The following CNOT1 variants were observed in gnomAD, a reference collection of about 807,000 sequenced individuals.
The protein encoded by CNOT1 is CCR4-associated factor 1.
CNOT1 carries 15 observed loss-of-function variants against 273.8 expected under a neutral mutation model. The observed-to-expected ratio is 0.05, with a 90% CI of 0.04 to 0.08. The LOEUF (loss-of-function observed/expected upper bound fraction) is 0.08, where lower values mean the gene tolerates loss of function less well. CNOT1 is among the 10% of genes least tolerant of loss of function. The pLI, the probability that CNOT1 is intolerant of heterozygous loss-of-function variation, is 1.00. For missense variants in CNOT1, 1,644 were observed against 2,912.2 expected (o/e 0.56, Z 10.02); for synonymous variants, 1,022 against 1,005.5 (o/e 1.02, Z -0.31).
chr16:58,550,043 T>A, intron 24 of CNOT1, 145 bp from the exon 25 acceptor site: 1 of 1,276,328 alleles, frequency 7.8e-7, no homozygotes, highest in Non-Finnish European at 1.1e-6. Context: ...ACCAGATAGA[T>A]GCTATGAAGA....
intron 16 of CNOT1, among the ~76,000 whole-genome samples, chr16:58,570,455 T>C (rs1462954700): frequency 6.6e-6 from 1 of 152,122 alleles, no homozygotes; most frequent in Non-Finnish European, 1.5e-5. Context: ...CTGGGCAACA[T>C]ACTGAGAACC....
At chr16:58,584,354 G>A (rs542294021) in intron 8 of CNOT1, among the ~76,000 whole-genome samples, 19 of 150,994 alleles carry the variant, frequency 1.3e-4, no homozygotes, top group Admixed American at 4.0e-4. Flanking sequence ...TTTTTTTGAC[G>A]AAGTCTCGCT....
intron 14 of CNOT1, among the ~76,000 whole-genome samples, chr16:58,575,974 A>C (rs1472940308): frequency 6.6e-6 from 1 of 152,174 alleles, no homozygotes; most frequent in African/African-American, 2.4e-5. Flanking sequence ...TCAAAAATAA[A>C]AACACTTTTA....
chr16:58,569,879 C>T lies in CNOT1; in HGVS notation c.1979+4730G>A, dbSNP rs959034557. ...TTTATTAAAAACATTAATCTAGACA[C>T]CCAAGAAATTCAATAAATTCTAAGT... On this transcript the variant is annotated intron_variant, in intron 16 of 48. Coordinates refer to ENST00000317147, the MANE Select transcript of CNOT1 (RefSeq NM_016284.5). Among the ~76,000 whole-genome samples the T allele has an allele frequency of 1.1e-4, 17 of 151,988 alleles. 1 individual carries two copies. The South Asian group carries it at 1.5e-3, about 13-fold the overall frequency.
At chr16:58,530,552 G>A in intron 42 of CNOT1, 2 of 370,222 alleles carry the variant, frequency 5.4e-6, no homozygotes, top group East Asian at 4.1e-5. Context: ...GGAGGCCAAG[G>A]CCAGTGGATC....
chr16:58,567,551 C>CA (rs35372389), intron 16 of CNOT1, among the ~76,000 whole-genome samples: 49,724 of 111,358 alleles, frequency 0.45, 10,092 homozygotes, highest in Middle Eastern at 0.49. Context: ...GACATCATCT[C>CA]AAAAAAAAAA....
In CNOT1 at chr16:58,546,455, G is replaced by C. The variant is rs754311636; in HGVS notation, c.3872C>G (p.Ala1291Gly). ...FEIEVLCKNL[A>G]LDINELKPGN... ...AGGTTTTAGCTCATTGATGTCTAAT[G>C]CAAGGTTCTTGCAGAGAACCTCGAT... The change falls in exon 29 of 49, where the codon GCA (alanine) becomes GGA (glycine). Residue 1291 changes from alanine (A) to glycine (G), a missense_variant. Coordinates refer to ENST00000317147, the MANE Select transcript of CNOT1 (RefSeq NM_016284.5). 1.9e-6 allele frequency: 3 copies of C among 1,613,954 alleles called. No individual in the cohort carries two copies. Among genetic ancestry groups the C allele is most frequent in the Non-Finnish European group, 2.5e-6 (3 of 1,179,934 alleles).
chr16:58,543,089 T>C, intron 31 of CNOT1: 1 of 1,237,326 alleles, frequency 8.1e-7, no homozygotes. Context: ...TGAGACCCTG[T>C]CTCATGAAAC....
intron 1 of CNOT1, among the ~76,000 whole-genome samples, chr16:58,617,564 A>C (rs964250546): frequency 6.6e-6 from 1 of 152,188 alleles, no homozygotes; most frequent in Admixed American, 6.6e-5. Context: ...AATGAGAAAC[A>C]TGTCTAGTCT....
chr16:58,628,717 G>A (rs976000700), intron 1 of CNOT1, among the ~76,000 whole-genome samples: 3 of 151,990 alleles, frequency 2.0e-5, no homozygotes, highest in African/African-American at 7.3e-5. Context: ...AGAGTCCTAA[G>A]AAATGTGACA....
intron 1 of CNOT1, among the ~76,000 whole-genome samples, chr16:58,627,855 A>G (rs2043649900): frequency 6.6e-6 from 1 of 152,020 alleles, no homozygotes; most frequent in Non-Finnish European, 1.5e-5. Flanking sequence ...TTTGAGACGG[A>G]GTCTCCCCGT....
chr16:58,568,407 C>T (rs990424971), intron 16 of CNOT1, among the ~76,000 whole-genome samples: 2 of 151,124 alleles, frequency 1.3e-5, no homozygotes, highest in Admixed American at 6.6e-5. Flanking sequence ...AACTTTGAGC[C>T]GGGTGCAGTG....
At chr16:58,594,357 T>TC (rs1273844556) in intron 2 of CNOT1, among the ~76,000 whole-genome samples, 2 of 152,064 alleles carry the variant, frequency 1.3e-5, no homozygotes, top group Non-Finnish European at 2.9e-5. Flanking sequence ...AGAATAGTGG[T>TC]CACTAAGGGC....
chr16:58,629,241 C>T (rs996725426), intron 1 of CNOT1, among the ~76,000 whole-genome samples: 6 of 152,326 alleles, frequency 3.9e-5, no homozygotes, highest in African/African-American at 1.4e-4. Context: ...GAACTGGAAA[C>T]ATGCAAAAAC....
intron 1 of CNOT1, among the ~76,000 whole-genome samples, chr16:58,617,086 G>A (rs766326696): frequency 1.3e-5 from 2 of 152,178 alleles, no homozygotes; most frequent in Non-Finnish European, 2.9e-5. Context: ...AAGAGGCCAG[G>A]TGCAGGGCTC....
intron 16 of CNOT1, among the ~76,000 whole-genome samples, chr16:58,561,738 A>G (rs2040848447): frequency 6.6e-6 from 1 of 152,250 alleles, no homozygotes; most frequent in African/African-American, 2.4e-5. Context: ...TTTGAGGTGT[A>G]TATTAAGCAA....
At chr16:58,601,299 T>C (rs2042453985) in intron 1 of CNOT1, among the ~76,000 whole-genome samples, 1 of 152,162 alleles carries the variant, frequency 6.6e-6, no homozygotes, top group Non-Finnish European at 1.5e-5. Flanking sequence ...GGTTTTGCCA[T>C]GATGGCCAGG....
chr16:58,531,914 G>C (rs1266354495), intron 42 of CNOT1, 44 bp downstream of exon 42: 8 of 1,604,896 alleles, frequency 5.0e-6, no homozygotes, highest in South Asian at 3.3e-5. Flanking sequence ...AATAAGCCCA[G>C]GTAGTTATAG....
At chr16:58,611,048 A>G (rs542453967) in intron 1 of CNOT1, among the ~76,000 whole-genome samples, 1 of 152,164 alleles carries the variant, frequency 6.6e-6, no homozygotes, top group South Asian at 2.1e-4. Context: ...AAATAAATAA[A>G]TTTAAAAAAT....
Sources: gnomAD v4.1 joint callset for allele counts (sites outside exome capture counted in the v4.1 genomes callset) on GRCh38, gnomAD v4.1.1 for gene constraint, MANE v1.5 for transcripts, NCBI Gene and HGNC (gene_info 2026-07-23, HGNC 2026-07-21) for gene names.